The following OTOG variants were observed in gnomAD, a reference collection of about 807,000 sequenced individuals.
OTOG encodes the protein otogelin.
Under a neutral mutation model 313.8 loss-of-function variants are expected in OTOG, and 296 were observed. That is an observed-to-expected ratio of 0.94 (90% CI 0.86 to 1.04). OTOG has a LOEUF of 1.04. Among genes scored for constraint, OTOG ranks in the 50% least tolerant of loss-of-function variants. The pLI, the probability that OTOG is intolerant of heterozygous loss-of-function variation, is 0.00. For synonymous variants in OTOG, 1,533 were observed against 1,554.9 expected (o/e 0.99, Z 0.33); for missense variants, 3,948 against 3,840.1 (o/e 1.03, Z -0.74).
chr11:17,638,725 A>G, intron 48 of OTOG, 176 bp downstream of exon 48: 1 of 1,544,480 alleles, frequency 6.5e-7, no homozygotes, highest in Non-Finnish European at 8.8e-7. Flanking sequence ...AGTGCTGAGC[A>G]TTCCTACAGC....
chr11:17,641,015 C>T lies in OTOG; in HGVS notation c.8114C>T (p.Thr2705Ile), dbSNP rs547179694. The T allele has an allele frequency of 1.3e-5, 20 of 1,548,372 alleles. No homozygotes were observed. In the Admixed American group the frequency reaches 3.5e-4, roughly 27 times the overall value. The change falls in exon 51 of 56, where the codon ACC becomes ATC. Residue 2705 changes from threonine to isoleucine, a missense_variant. Coordinates refer to ENST00000399397, the MANE Select transcript of OTOG (RefSeq NM_001292063.2). ...ADGVCHTSRC[T>I]TVLDPLTNFY... is the part of the protein sequence containing the mutation. ...GGCGTGTGCCACACCTCCCGCTGCA[C>T]CACCGTGCTCGACCCTCTCACCAAC...
chr11:17,578,013 C>A (rs1590015980), intron 22 of OTOG, among the ~76,000 whole-genome samples: 1 of 152,142 alleles, frequency 6.6e-6, no homozygotes, highest in African/African-American at 2.4e-5. Flanking sequence ...TTTATGGTGA[C>A]TTTGGGGAGG....
At chr11:17,613,265 T>TTCTTTCTTTCTTTCTTTCTTTCTCTC in intron 38 of OTOG, among the ~76,000 whole-genome samples, 1 of 138,806 alleles carries the variant, frequency 7.2e-6, no homozygotes, top group South Asian at 2.5e-4. Context: ...CTTTCTTTCT[T>TTCTTTCTTTCTTTCTTTCTTTCTCTC]TCTCTCTCTG....
chr11:17,638,653 G>C (rs1199652025), intron 48 of OTOG, 104 bp downstream of exon 48: 1 of 1,482,970 alleles, frequency 6.7e-7, no homozygotes, highest in Non-Finnish European at 9.2e-7. Context: ...TCTCAGATCT[G>C]TCCCCTGCAG....
At chr11:17,618,515 AGT>A (rs1255525294) in intron 39 of OTOG, among the ~76,000 whole-genome samples, 1 of 152,170 alleles carries the variant, frequency 6.6e-6, no homozygotes, top group African/African-American at 2.4e-5. Context: ...GCTCTAAGTA[AGT>A]GTGTATTTTA....
chr11:17,640,588 C>A (rs1414889730), intron 49 of OTOG, among the ~76,000 whole-genome samples, 157 bp from the exon 50 acceptor site: 1 of 152,222 alleles, frequency 6.6e-6, no homozygotes, highest in East Asian at 1.9e-4. Flanking sequence ...CACACTGGGA[C>A]TGAGCTTCCA....
Position 17,646,012 on chromosome 11 carries a change from G to A in OTOG, c.*68G>A. On this transcript the variant is annotated 3_prime_UTR_variant, in exon 56 of 56. Coordinates refer to ENST00000399397, the MANE Select transcript of OTOG (RefSeq NM_001292063.2). ...ACTTTCTGTTTCCAGCTGGCCCAATGTGAATGGGGGTATTAAAGGTGGTAG... is the reference window on the plus strand; with the variant it reads ...ACTTTCTGTTTCCAGCTGGCCCAATATGAATGGGGGTATTAAAGGTGGTAG... The A allele has an allele frequency of 6.9e-7, 1 of 1,439,940 alleles. No homozygotes were observed. The highest frequency in any genetic ancestry group is 9.4e-7 in the Non-Finnish European group (1 of 1,058,502). 89.2% of individuals were successfully genotyped at this position (1,439,940 alleles called of 1,614,324 possible).
At chr11:17,570,916 A>G (rs142514143) in intron 17 of OTOG, among the ~76,000 whole-genome samples, 2 of 152,204 alleles carry the variant, frequency 1.3e-5, no homozygotes, top group East Asian at 3.9e-4. Context: ...CTGGTACTTG[A>G]AGGCTCTTGA....
At chr11:17,582,493 A>G (rs889804739) in intron 23 of OTOG, among the ~76,000 whole-genome samples, 1 of 152,368 alleles carries the variant, frequency 6.6e-6, no homozygotes, top group African/African-American at 2.4e-5. Context: ...TGAACATTTC[A>G]GGGTGGAATT....
intron 7 of OTOG, 64 bp downstream of exon 7, chr11:17,555,961 A>T: frequency 8.0e-7 from 1 of 1,257,260 alleles, no homozygotes; most frequent in Non-Finnish European, 1.1e-6. Flanking sequence ...TGGATGGGTG[A>T]GCATCCGCTC....
At chr11:17,550,878 C>A (rs1244564221) in intron 3 of OTOG, among the ~76,000 whole-genome samples, 2 of 152,226 alleles carry the variant, frequency 1.3e-5, no homozygotes, top group Non-Finnish European at 1.5e-5. Flanking sequence ...GTCAGGAAGA[C>A]CATGAAGATG....
chr11:17,610,178 C>A lies in OTOG; in HGVS notation c.4878C>A (p.Gly1626=). 1 of 1,550,632 alleles carries A rather than the reference C, an allele frequency of 6.4e-7. No individual in the cohort carries two copies. Among genetic ancestry groups the A allele is most frequent in the Middle Eastern group, 1.7e-4 (1 of 5,994 alleles). ...AGGCTGTGACAGTCCGAGGCCATGGCTCCTTGCCTGTTAGGACGACACCCC... is the reference window on the plus strand; with the variant it reads ...AGGCTGTGACAGTCCGAGGCCATGGATCCTTGCCTGTTAGGACGACACCCC... ...MTKAVTVRGH[G]SLPVRTTPPQ... The change falls in exon 36 of 56, where the codon GGC becomes GGA. Residue 1626 remains glycine, a synonymous_variant. Coordinates refer to ENST00000399397, the MANE Select transcript of OTOG (RefSeq NM_001292063.2).
Position 17,591,442 on chromosome 11 carries a change from T to G in OTOG, c.2868-8T>G. 3 of 1,550,576 alleles carry G rather than the reference T, an allele frequency of 1.9e-6. No individual in the cohort carries two copies. The highest frequency in any genetic ancestry group is 2.6e-6 in the Non-Finnish European group (3 of 1,146,942). The stretch of plus-strand genomic sequence containing the variant: ...CCCTGTGATCTGGTCTGGGCATGTG[T>G]TTTTCAGTGTGTGCCAGCGGGGCTC... On this transcript the variant is annotated splice_polypyrimidine_tract_variant and splice_region_variant and intron_variant, in intron 24 of 55. Transcript: ENST00000399397.
chr11:17,644,406 A>T (rs1226222049), intron 54 of OTOG, among the ~76,000 whole-genome samples: 1 of 152,254 alleles, frequency 6.6e-6, no homozygotes, highest in Non-Finnish European at 1.5e-5. Flanking sequence ...AGACCAGAAG[A>T]AAAGATTCCA....
intron 53 of OTOG, among the ~76,000 whole-genome samples, chr11:17,642,630 C>T (rs1217425551): frequency 6.6e-6 from 1 of 152,200 alleles, no homozygotes; most frequent in Non-Finnish European, 1.5e-5. Context: ...CACTCTTGCA[C>T]ACACATGCCA....
intron 3 of OTOG, among the ~76,000 whole-genome samples, chr11:17,551,664 G>A (rs1041583942): frequency 5.3e-5 from 8 of 152,140 alleles, no homozygotes; most frequent in South Asian, 2.1e-4. Context: ...GAGGACATAA[G>A]GGTTTACTGG....
At chr11:17,560,671 G>A in intron 12 of OTOG, 38 bp from the exon 13 acceptor site, 3 of 1,469,926 alleles carry the variant, frequency 2.0e-6, no homozygotes, top group Non-Finnish European at 2.8e-6. Context: ...GTGAACAGGG[G>A]CAAAGGTGAG....
Position 17,567,090 on chromosome 11 carries a change from T to G in OTOG, c.1645-2066T>G, listed in dbSNP as rs537119464. Among the ~76,000 whole-genome samples, 8 of 152,356 alleles carry G rather than the reference T, an allele frequency of 5.3e-5. No individual in the cohort carries two copies. The East Asian group carries it at 1.2e-3, about 22-fold the overall frequency. On this transcript the variant is annotated intron_variant, in intron 15 of 55. Coordinates refer to ENST00000399397, the MANE Select transcript of OTOG (RefSeq NM_001292063.2). Reference sequence around the variant, plus strand: ...ATCTCTGTTTTGCAGAGGAGAGAACTGAGATATGGAGAATTTAAGTGACTT... The same window carrying G: ...ATCTCTGTTTTGCAGAGGAGAGAACGGAGATATGGAGAATTTAAGTGACTT...
At position 17,551,997 on chromosome 11, in the gene OTOG, A is replaced by T. The variant is rs1464371067; in HGVS notation, c.217-3A>T. 5 of 1,550,278 alleles carry T rather than the reference A, an allele frequency of 3.2e-6. No individual in the cohort carries two copies. The highest frequency in any genetic ancestry group is 3.5e-6 in the Non-Finnish European group (4 of 1,146,854). The stretch of plus-strand genomic sequence containing the variant: ...TGTGTTCTCTTCCTCCTGTCTTCAC[A>T]AGCAGGCTGAAGCCCCAGACTCCGT... On this transcript the variant is annotated splice_region_variant and splice_polypyrimidine_tract_variant and intron_variant, in intron 3 of 55. Coordinates refer to ENST00000399397, the MANE Select transcript of OTOG (RefSeq NM_001292063.2).
Sources: allele counts gnomAD v4.1 joint callset (sites outside exome capture counted in the v4.1 genomes callset), GRCh38; gene constraint gnomAD v4.1.1; transcripts MANE v1.5; gene names NCBI Gene and HGNC (gene_info 2026-07-23, HGNC 2026-07-21).